Variants in CSMD1 observed in about 807,000 individuals in gnomAD.
The protein encoded by CSMD1 is CUB and sushi domain-containing protein 1.
In CSMD1, 213 loss-of-function variants were observed where a neutral mutation model predicts 417.5. The ratio of observed to expected loss-of-function variants is 0.51; its 90% CI spans 0.46 to 0.57. The LOEUF (loss-of-function observed/expected upper bound fraction) is 0.57, where lower values mean the gene tolerates loss of function less well. Among genes scored for constraint, CSMD1 ranks in the 20% least tolerant of loss-of-function variants. The probability of loss-of-function intolerance (pLI) is 0.00; values close to 1 mark genes in which losing one functional copy is unlikely to be tolerated. For missense variants in CSMD1, 6,923 were observed against 4,529.7 expected, an observed-to-expected ratio of 1.53 and a Z score of -15.17; for synonymous variants, 2,862 against 1,736.8, an observed-to-expected ratio of 1.65 and a Z score of -16.11.
At chr8:4,016,658 C>A (rs1433156317) in intron 4 of CSMD1, among the ~76,000 whole-genome samples, 4 of 152,186 alleles carry the variant, frequency 2.6e-5, no homozygotes, top group Admixed American at 6.5e-5. Context: ...ACAGGTTTGT[C>A]TTACTCTGTA....
chr8:4,252,383 T>G (rs1360123507), intron 3 of CSMD1, among the ~76,000 whole-genome samples: 1 of 152,218 alleles, frequency 6.6e-6, no homozygotes, highest in Admixed American at 6.5e-5. Context: ...AGTTATGTAT[T>G]GTCTTTTTCC....
chr8:4,927,464 C>A (rs969497477), intron 1 of CSMD1, among the ~76,000 whole-genome samples: 1 of 152,128 alleles, frequency 6.6e-6, no homozygotes, highest in African/African-American at 2.4e-5. Flanking sequence ...AGAACTGAGG[C>A]TTGGGGCTCA....
intron 1 of CSMD1, chr8:4,787,690 GA>G: frequency 6.3e-7 from 1 of 1,591,162 alleles, no homozygotes. Context: ...ACCTAAAGTG[GA>G]GTTGTTTTTC....
intron 10 of CSMD1, among the ~76,000 whole-genome samples, chr8:3,542,406 T>C (rs937076716): frequency 5.9e-5 from 9 of 152,230 alleles, no homozygotes; most frequent in Non-Finnish European, 1.3e-4. Flanking sequence ...ACCTACCCTG[T>C]TCCAGATACC....
intron 12 of CSMD1, among the ~76,000 whole-genome samples, chr8:3,445,193 A>T (rs77597391): frequency 0.037 from 5,680 of 152,322 alleles, 134 homozygotes; most frequent in East Asian, 0.092. Flanking sequence ...TAATTCTTTT[A>T]TCACCTCATC....
chr8:3,459,909 G>C (rs1326591042), intron 12 of CSMD1, among the ~76,000 whole-genome samples: 4 of 152,132 alleles, frequency 2.6e-5, no homozygotes, highest in African/African-American at 4.8e-5. Flanking sequence ...TTATTGATAA[G>C]GGTTAAATGG....
At chr8:4,075,412 A>C (rs549564678) in intron 3 of CSMD1, among the ~76,000 whole-genome samples, 1 of 152,210 alleles carries the variant, frequency 6.6e-6, no homozygotes, top group Non-Finnish European at 1.5e-5. Context: ...TATTTTTAAT[A>C]TCAAAATAAA....
intron 2 of CSMD1, among the ~76,000 whole-genome samples, chr8:4,537,164 T>G (rs954720125): frequency 2.0e-5 from 3 of 152,206 alleles, no homozygotes; most frequent in Non-Finnish European, 4.4e-5. Flanking sequence ...CTTGTACTTT[T>G]CTGTCATGAG....
chr8:4,101,524 A>G (rs1476903483), intron 3 of CSMD1, among the ~76,000 whole-genome samples: 1 of 152,228 alleles, frequency 6.6e-6, no homozygotes, highest in Non-Finnish European at 1.5e-5. Context: ...TATGCCGACC[A>G]GGAAACATAC....
At chr8:3,313,514 C>A (rs1419284581) in intron 23 of CSMD1, among the ~76,000 whole-genome samples, 1 of 152,162 alleles carries the variant, frequency 6.6e-6, no homozygotes, top group Non-Finnish European at 1.5e-5. Context: ...TGAAAAAATG[C>A]TCATCATCAC....
At chr8:4,916,127 G>A (rs151123684) in intron 1 of CSMD1, among the ~76,000 whole-genome samples, 1 of 152,206 alleles carries the variant, frequency 6.6e-6, no homozygotes, top group African/African-American at 2.4e-5. Context: ...GTCTGATGAA[G>A]TCAGGAAGAT....
Position 4,625,395 on chromosome 8 carries a change from C to T in CSMD1, c.302+11947G>A, listed in dbSNP as rs548237774. On this transcript the variant is annotated intron_variant, in intron 2 of 69. Transcript: ENST00000635120. ...TCAACTTCCCCATGTAAGAAACATG[C>T]ACTGCATTTTGAAGCAGTCGCCTCT... Among the ~76,000 whole-genome samples, 11 of 152,198 alleles carry T rather than the reference C, an allele frequency of 7.2e-5. No individual in the cohort carries two copies. In the East Asian group the frequency reaches 2.1e-3, roughly 29 times the overall value.
intron 10 of CSMD1, among the ~76,000 whole-genome samples, chr8:3,549,722 G>C (rs1429200266): frequency 2.0e-5 from 3 of 152,118 alleles, no homozygotes; most frequent in Non-Finnish European, 4.4e-5. Context: ...TCTACAGAAA[G>C]TTCCCACCAG....
At chr8:4,215,630 T>G (rs1800621718) in intron 3 of CSMD1, among the ~76,000 whole-genome samples, 1 of 152,206 alleles carries the variant, frequency 6.6e-6, no homozygotes, top group Admixed American at 6.5e-5. Flanking sequence ...GAACATAAAT[T>G]TGGATCATAC....
intron 12 of CSMD1, among the ~76,000 whole-genome samples, chr8:3,454,978 T>C (rs569013384): frequency 1.1e-3 from 172 of 152,342 alleles, no homozygotes; most frequent in Non-Finnish European, 1.9e-3. Context: ...TCTTTTCACA[T>C]AGTCCCATAT....
At chr8:3,984,246 G>A (rs1814136805) in intron 5 of CSMD1, among the ~76,000 whole-genome samples, 1 of 143,720 alleles carries the variant, frequency 7.0e-6, no homozygotes, top group Admixed American at 7.0e-5. Context: ...AAAGCGAGTG[G>A]CAAGCTTAAC....
At chr8:3,911,980 G>A (rs1220796291) in intron 5 of CSMD1, among the ~76,000 whole-genome samples, 1 of 152,076 alleles carries the variant, frequency 6.6e-6, no homozygotes, top group Non-Finnish European at 1.5e-5. Flanking sequence ...CAAGTTTCCT[G>A]AACCGATAAA....
intron 8 of CSMD1, 134 bp from the exon 9 acceptor site, chr8:3,586,394 T>C: frequency 3.7e-6 from 3 of 804,074 alleles, no homozygotes; most frequent in South Asian, 4.1e-5. Context: ...AGCAACTCAT[T>C]AGGTAGTATG....
chr8:3,655,473 A>G (rs531744311), intron 7 of CSMD1, among the ~76,000 whole-genome samples: 2 of 152,316 alleles, frequency 1.3e-5, no homozygotes, highest in Admixed American at 6.5e-5. Context: ...ATGACAAACA[A>G]TAGTATCAGA....
Sources: allele counts gnomAD v4.1 joint callset (sites outside exome capture counted in the v4.1 genomes callset), GRCh38; gene constraint gnomAD v4.1.1; transcripts MANE v1.5; gene names NCBI Gene and HGNC (gene_info 2026-07-23, HGNC 2026-07-21).